Variants in ABCC6 observed in about 807,000 individuals in gnomAD.
ABCC6 encodes the protein ATP-binding cassette sub-family C member 6.
In ABCC6, 126 loss-of-function variants were observed where a neutral mutation model predicts 169.5. That is an observed-to-expected ratio of 0.74 (90% CI 0.64 to 0.86). The LOEUF is 0.86. ABCC6 is among the 40% of genes least tolerant of loss of function. The pLI is 0.00. For synonymous variants in ABCC6, 752 were observed against 814.7 expected, an observed-to-expected ratio of 0.92 and a Z score of 1.31; for missense variants, 1,733 against 1,927.2, an observed-to-expected ratio of 0.90 and a Z score of 1.89.
At chr16:16,168,826 A>T (rs558961181) in intron 22 of ABCC6, among the ~76,000 whole-genome samples, 1 of 152,110 alleles carries the variant, frequency 6.6e-6, no homozygotes, top group Non-Finnish European at 1.5e-5. Context: ...CACACCTGTA[A>T]TCCCAACACT....
intron 10 of ABCC6, among the ~76,000 whole-genome samples, chr16:16,197,247 A>C (rs1168093283): frequency 6.6e-6 from 1 of 152,094 alleles, no homozygotes; most frequent in Non-Finnish European, 1.5e-5. Context: ...CCCTAATAGC[A>C]CATGGGGAAG....
intron 22 of ABCC6, among the ~76,000 whole-genome samples, chr16:16,167,423 C>A (rs2046912123): frequency 6.6e-6 from 1 of 152,174 alleles, no homozygotes; most frequent in Non-Finnish European, 1.5e-5. Context: ...GGATACTGGT[C>A]CCAAGAGCCA....
chr16:16,173,453 G>T, intron 20 of ABCC6, 49 bp from the exon 21 acceptor site: 1 of 1,613,390 alleles, frequency 6.2e-7, no homozygotes, highest in Non-Finnish European at 8.5e-7. Context: ...TCCCAATGGT[G>T]GGGTGTATGT....
chr16:16,160,186 C>T (rs1245639942), intron 25 of ABCC6, among the ~76,000 whole-genome samples: 1 of 152,174 alleles, frequency 6.6e-6, no homozygotes, highest in African/African-American at 2.4e-5. Flanking sequence ...GTCACCTCCT[C>T]AGAGAGGCCT....
chr16:16,187,239 C>G (rs1227954177), intron 13 of ABCC6, 28 bp from the exon 14 acceptor site: 1 of 1,595,458 alleles, frequency 6.3e-7, no homozygotes, highest in African/African-American at 1.3e-5. Flanking sequence ...GCAGGTCACC[C>G]AGCAAGAAGA....
chr16:16,183,184 A>G (rs1275917908), intron 15 of ABCC6, among the ~76,000 whole-genome samples: 1 of 152,194 alleles, frequency 6.6e-6, no homozygotes. Flanking sequence ...GCTAGCATGC[A>G]CAGCAACACA....
intron 10 of ABCC6, among the ~76,000 whole-genome samples, chr16:16,194,868 TG>T (rs2047981849): frequency 6.6e-6 from 1 of 151,964 alleles, no homozygotes; most frequent in Admixed American, 6.6e-5. Context: ...TTAGTAGAGA[TG>T]GGGTTTCACC....
Position 16,182,845 on chromosome 16 carries a change from G to A in ABCC6, c.2029C>T (p.Leu677Phe). 1.2e-6 allele frequency: 2 copies of A among 1,614,106 alleles called. No homozygotes were observed. The highest frequency in any genetic ancestry group is 2.2e-5 in the South Asian group (2 of 91,082). Residue 677 changes from leucine (L) to phenylalanine (F), a missense_variant, in exon 16 of 31, where the codon CTT becomes TTT. This residue lies in a region of ABCC6 where 1,601 missense variants were observed against 1,635.5 expected (regional missense o/e 0.98). Transcript: ENST00000205557. ...CCCTCCACCTTTGACAGCTCCCCAAGGAGGGCGGACAGCAGGGAGGACTTC... is the reference window on the plus strand; with the variant it reads ...CCCTCCACCTTTGACAGCTCCCCAAAGAGGGCGGACAGCAGGGAGGACTTC... ...AGKSSLLSAL[L>F]GELSKVEGFV... is the part of the protein sequence containing the mutation.
intron 17 of ABCC6, among the ~76,000 whole-genome samples, chr16:16,179,335 C>CT (rs1378685147): frequency 6.6e-6 from 1 of 152,102 alleles, no homozygotes; most frequent in Non-Finnish European, 1.5e-5. Context: ...TTCAGTCCTA[C>CT]TTTTGTATTT....
intron 4 of ABCC6, among the ~76,000 whole-genome samples, chr16:16,217,172 C>T (rs1567546667): frequency 6.6e-6 from 1 of 152,178 alleles, no homozygotes; most frequent in Non-Finnish European, 1.5e-5. Flanking sequence ...TTATACTCTT[C>T]TAGTTTTGGG....
chr16:16,165,517 A>T, intron 23 of ABCC6, 106 bp downstream of exon 23: 1 of 1,227,592 alleles, frequency 8.1e-7, no homozygotes, highest in Non-Finnish European at 1.2e-6. Flanking sequence ...AACAGCCCCT[A>T]GATGTCCAGC....
In ABCC6 at chr16:16,192,751, C is replaced by T. The variant is rs2047903928; in HGVS notation, c.1431+79G>A. 3.7e-6 allele frequency: 5 copies of T among 1,363,590 alleles called. No homozygotes were observed. The Admixed American group carries it at 9.4e-5, about 26-fold the overall frequency. The allele number at this position is 1,363,590 out of a possible 1,614,324, so 84.5% of individuals were successfully genotyped here. On this transcript the variant is annotated intron_variant, in intron 11 of 30. Transcript: ENST00000205557. ...ACCCGTGGGCTCGCACTCAGCTCTC[C>T]CCTCCGCATCTCCCACACCAGGACC...
intron 21 of ABCC6, 178 bp downstream of exon 21, chr16:16,173,106 A>G: frequency 2.8e-6 from 2 of 714,544 alleles, no homozygotes; most frequent in East Asian, 2.7e-5. Context: ...GACCTATCAT[A>G]TCTATTTTTT....
At chr16:16,162,954 G>A (rs2046766290) in intron 24 of ABCC6, 39 bp downstream of exon 24, 8 of 1,612,536 alleles carry the variant, frequency 5.0e-6, no homozygotes, top group African/African-American at 1.3e-5. Flanking sequence ...TAAGGATATG[G>A]ATGAATTGCA....
chr16:16,202,785 G>A (rs1055896719), intron 8 of ABCC6, among the ~76,000 whole-genome samples: 4 of 152,344 alleles, frequency 2.6e-5, no homozygotes, highest in Admixed American at 2.0e-4. Flanking sequence ...CTCAGTCTCA[G>A]TCTGTGATGC....
chr16:16,209,927 C>T (rs563729713), intron 6 of ABCC6, among the ~76,000 whole-genome samples: 22 of 152,050 alleles, frequency 1.4e-4, no homozygotes, highest in South Asian at 2.1e-4. Context: ...GATGGGATTT[C>T]GCCATGTTGG....
chr16:16,185,039 AG>A lies in ABCC6; in HGVS notation c.1868-6del. On this transcript the variant is annotated splice_region_variant and splice_polypyrimidine_tract_variant and intron_variant, in intron 14 of 30. Transcript: ENST00000205557. Reference sequence around the variant, plus strand: ...TGATGCAATCCTTCCCGGCAGCTGCAGGGCACAAGAGGCCATTTACAGGAGA... The same window carrying A: ...TGATGCAATCCTTCCCGGCAGCTGCAGGCACAAGAGGCCATTTACAGGAGA... 1 of 1,612,562 alleles carries A rather than the reference AG, an allele frequency of 6.2e-7. No individual in the cohort carries two copies. Among genetic ancestry groups the A allele is most frequent in the Non-Finnish European group, 8.5e-7 (1 of 1,178,550 alleles).
chr16:16,176,283 C>G (rs373179635), intron 19 of ABCC6, among the ~76,000 whole-genome samples: 1 of 152,300 alleles, frequency 6.6e-6, no homozygotes, highest in African/African-American at 2.4e-5. Context: ...CCCCCAACAG[C>G]CTTGCTCAAG....
At chr16:16,210,481 C>T (rs1199710069) in intron 6 of ABCC6, among the ~76,000 whole-genome samples, 3 of 152,316 alleles carry the variant, frequency 2.0e-5, no homozygotes, top group South Asian at 4.1e-4. Context: ...GGGAAGCAAC[C>T]GTTCTGACAT....
Sources: gnomAD v4.1 joint callset for allele counts (sites outside exome capture counted in the v4.1 genomes callset) on GRCh38, gnomAD v4.1.1 for gene constraint, gnomAD v4.1.1 regional missense constraint, MANE v1.5 for transcripts, NCBI Gene and HGNC (gene_info 2026-07-23, HGNC 2026-07-21) for gene names.